Variants in LARGE1 observed in about 807,000 individuals in gnomAD.
The protein encoded by LARGE1 is LARGE xylosyl- and glucuronyltransferase 1.
LARGE1 carries 43 observed loss-of-function variants against 87.6 expected under a neutral mutation model. The ratio of observed to expected loss-of-function variants is 0.49; its 90% CI spans 0.38 to 0.63. LARGE1 has a LOEUF of 0.63. Ranked by LOEUF, LARGE1 falls within the 30% of genes least tolerant of loss-of-function variation. The pLI, the probability that LARGE1 is intolerant of heterozygous loss-of-function variation, is 0.00. For synonymous variants in LARGE1, 434 were observed against 394.6 expected, an observed-to-expected ratio of 1.10 and a Z score of -1.18; for missense variants, 802 against 1,000.2, an observed-to-expected ratio of 0.80 and a Z score of 2.67.
intron 6 of LARGE1, among the ~76,000 whole-genome samples, chr22:33,521,577 G>A (rs554349428): frequency 1.3e-5 from 2 of 152,270 alleles, no homozygotes; most frequent in South Asian, 2.1e-4. Context: ...CGACAAGACC[G>A]GCCCAGATTC....
intron 2 of LARGE1, among the ~76,000 whole-genome samples, chr22:33,759,270 C>T (rs975769448): frequency 6.6e-6 from 1 of 152,190 alleles, no homozygotes; most frequent in Non-Finnish European, 1.5e-5. Flanking sequence ...GAGTGCAAAT[C>T]AAAATTCTAC....
At chr22:33,493,266 T>A (rs1362293578) in intron 6 of LARGE1, among the ~76,000 whole-genome samples, 5 of 151,386 alleles carry the variant, frequency 3.3e-5, no homozygotes, top group Non-Finnish European at 7.4e-5. Flanking sequence ...GTTCAAGTGA[T>A]TCTCCTGCCT....
intron 2 of LARGE1, among the ~76,000 whole-genome samples, chr22:33,698,580 T>C (rs1397712285): frequency 6.6e-6 from 1 of 152,196 alleles, no homozygotes; most frequent in African/African-American, 2.4e-5. Context: ...AAAGGGATTA[T>C]AAACGTGAGC....
intron 11 of LARGE1, among the ~76,000 whole-genome samples, chr22:33,238,585 T>C (rs144909989): frequency 1.3e-5 from 2 of 152,180 alleles, no homozygotes; most frequent in East Asian, 1.9e-4. Context: ...ATTGAAAAAA[T>C]TGACCACAGA....
intron 6 of LARGE1, among the ~76,000 whole-genome samples, chr22:33,457,146 C>T (rs764116899): frequency 2.0e-5 from 3 of 152,006 alleles, no homozygotes; most frequent in African/African-American, 4.8e-5. Context: ...TTTATTGAGA[C>T]GGCATCTTAC....
intron 6 of LARGE1, among the ~76,000 whole-genome samples, chr22:33,488,286 A>G (rs749096143): frequency 6.6e-6 from 1 of 152,258 alleles, no homozygotes; most frequent in African/African-American, 2.4e-5. Context: ...AGTGGTTACC[A>G]TACCAAAGAG....
intron 6 of LARGE1, among the ~76,000 whole-genome samples, chr22:33,464,450 A>T (rs1281184554): frequency 6.6e-6 from 1 of 152,198 alleles, no homozygotes; most frequent in Admixed American, 6.5e-5. Context: ...AATAAACTGA[A>T]GGCTGATATT....
At position 33,699,698 on chromosome 22, in the gene LARGE1, C is replaced by T. The variant is rs550118225; in HGVS notation, c.107-49030G>A. On this transcript the variant is annotated intron_variant, in intron 2 of 14. Transcript: ENST00000397394. ...ATAGCAATAAAATATGACAAAAACC[C>T]AAGTCTAAAATAGTTCTTTCAATAA... Among the ~76,000 whole-genome samples, 23 of 152,128 alleles carry T rather than the reference C, an allele frequency of 1.5e-4. 2 individuals are homozygous for T. Among genetic ancestry groups the T allele is most frequent in the African/African-American group, 3.1e-4 (13 of 41,514 alleles).
intron 11 of LARGE1, among the ~76,000 whole-genome samples, chr22:33,201,436 G>A (rs1271357890): frequency 2.1e-5 from 2 of 93,554 alleles, no homozygotes; most frequent in Non-Finnish European, 5.0e-5. Flanking sequence ...AGGAAAGAAG[G>A]AAGGAAGGAA....
chr22:33,411,765 C>T (rs1163979467), intron 7 of LARGE1, among the ~76,000 whole-genome samples: 2 of 152,074 alleles, frequency 1.3e-5, no homozygotes, highest in Admixed American at 6.5e-5. Flanking sequence ...ATGGAATAAA[C>T]GAATTATAGC....
Position 33,864,083 on chromosome 22 carries a change from T to G in LARGE1, c.-83+55912A>C, listed in dbSNP as rs142813346. Reference sequence around the variant, plus strand: ...CCTTTCTTCTTCCATTGCCTGGCAATGGTTTGTACAGAACCTACCAGGCAG... The same window carrying G: ...CCTTTCTTCTTCCATTGCCTGGCAAGGGTTTGTACAGAACCTACCAGGCAG... On this transcript the variant is annotated intron_variant, in intron 1 of 14. Transcript: ENST00000397394. 2.6e-5 allele frequency among the ~76,000 whole-genome samples: 4 copies of G among 152,250 alleles called. No individual in the cohort carries two copies. The East Asian group carries it at 7.7e-4, about 29-fold the overall frequency.
intron 1 of LARGE1, among the ~76,000 whole-genome samples, chr22:33,906,037 G>A (rs1251850122): frequency 6.6e-6 from 1 of 152,312 alleles, no homozygotes; most frequent in Non-Finnish European, 1.5e-5. Flanking sequence ...GGCTGAGACA[G>A]GAGAATTGCT....
At chr22:33,357,511 G>A (rs1363793955) in intron 9 of LARGE1, among the ~76,000 whole-genome samples, 1 of 152,152 alleles carries the variant, frequency 6.6e-6, no homozygotes, top group Non-Finnish European at 1.5e-5. Context: ...ATACAAAAAA[G>A]ATGCCTGGCC....
intron 6 of LARGE1, among the ~76,000 whole-genome samples, chr22:33,547,469 C>A (rs971017596): frequency 2.0e-5 from 3 of 152,120 alleles, no homozygotes; most frequent in Admixed American, 6.5e-5. Context: ...GTCTGGCGCC[C>A]AGGGTTTGGG....
At chr22:33,720,321 C>T (rs1192487147) in intron 2 of LARGE1, among the ~76,000 whole-genome samples, 3 of 152,022 alleles carry the variant, frequency 2.0e-5, no homozygotes, top group Non-Finnish European at 4.4e-5. Flanking sequence ...GCGGAGCTCA[C>T]GGGGTAACGG....
chr22:33,891,654 A>C (rs2065010174), intron 1 of LARGE1, among the ~76,000 whole-genome samples: 1 of 152,248 alleles, frequency 6.6e-6, no homozygotes, highest in Admixed American at 6.5e-5. Context: ...TAAAATGCTT[A>C]GCAAACACAT....
chr22:33,652,884 T>C (rs2080861101), intron 2 of LARGE1, among the ~76,000 whole-genome samples: 1 of 152,180 alleles, frequency 6.6e-6, no homozygotes, highest in Non-Finnish European at 1.5e-5. Flanking sequence ...CTCCTATCAA[T>C]GCAACAAATA....
intron 10 of LARGE1, among the ~76,000 whole-genome samples, chr22:33,318,804 T>A (rs1177839641): frequency 1.3e-5 from 2 of 151,726 alleles, no homozygotes; most frequent in African/African-American, 4.8e-5. Context: ...TTTTTTTTTT[T>A]CTGTTAAATC....
intron 1 of LARGE1, among the ~76,000 whole-genome samples, chr22:33,792,034 A>C (rs560937163): frequency 1.6e-4 from 25 of 152,188 alleles, no homozygotes; most frequent in Non-Finnish European, 3.4e-4. Context: ...GAGAGCCTAA[A>C]TGCAGAGCCT....
Sources: allele counts gnomAD v4.1 joint callset (sites outside exome capture counted in the v4.1 genomes callset), GRCh38; gene constraint gnomAD v4.1.1; transcripts MANE v1.5; gene names NCBI Gene and HGNC (gene_info 2026-07-23, HGNC 2026-07-21).